Variants in PLD5 observed in about 807,000 individuals in gnomAD.
PLD5 encodes the protein inactive phospholipase D5.
Under a neutral mutation model 61.1 loss-of-function variants are expected in PLD5, and 36 were observed. The ratio of observed to expected loss-of-function variants is 0.59; its 90% CI spans 0.45 to 0.78. The LOEUF (loss-of-function observed/expected upper bound fraction) is 0.78, where lower values mean the gene tolerates loss of function less well. Ranked by LOEUF, PLD5 falls within the 30% of genes least tolerant of loss-of-function variation. The probability of loss-of-function intolerance (pLI) is 0.00; values close to 1 mark genes in which losing one functional copy is unlikely to be tolerated. For missense variants in PLD5, 515 were observed against 644.4 expected (o/e 0.80, Z 2.17); for synonymous variants, 243 against 242.8 (o/e 1.00, Z -0.01).
intron 1 of PLD5, among the ~76,000 whole-genome samples, chr1:242,429,587 T>C (rs975763597): frequency 2.6e-5 from 4 of 152,172 alleles, no homozygotes; most frequent in African/African-American, 9.7e-5. Flanking sequence ...TGGCTGCAGC[T>C]ATCCATAACA....
intron 5 of PLD5, among the ~76,000 whole-genome samples, chr1:242,163,721 G>A (rs943234206): frequency 6.6e-6 from 1 of 151,948 alleles, no homozygotes; most frequent in African/African-American, 2.4e-5. Context: ...CTACCATTCA[G>A]CAAAGTAAGG....
chr1:242,242,020 C>A (rs1464175786), intron 4 of PLD5, among the ~76,000 whole-genome samples: 1 of 145,202 alleles, frequency 6.9e-6, no homozygotes, highest in African/African-American at 2.6e-5. Flanking sequence ...TAGACACACA[C>A]ACACACACAC....
chr1:242,382,144 A>AAAAAAAAAAAAAC (rs1411508490), intron 1 of PLD5, among the ~76,000 whole-genome samples: 19 of 151,300 alleles, frequency 1.3e-4, no homozygotes, highest in African/African-American at 4.6e-4. Context: ...AAAAAACAAA[A>AAAAAAAAAAAAAC]CAAAAAACTG....
At chr1:242,236,623 G>T (rs1241133898) in intron 4 of PLD5, among the ~76,000 whole-genome samples, 9 of 152,074 alleles carry the variant, frequency 5.9e-5, no homozygotes, top group African/African-American at 2.2e-4. Flanking sequence ...TTAAAGGGAG[G>T]TTTGCACCAT....
chr1:242,235,535 G>C (rs572238023), intron 4 of PLD5: 1 of 152,358 alleles, frequency 6.6e-6, no homozygotes, highest in South Asian at 2.1e-4. Flanking sequence ...GGAAGGGAAT[G>C]GTAAGAAGAA....
rs1659374843 is a variant in PLD5, at chr1:242,084,682, G to A, written c.*5172C>T. On this transcript the variant is annotated 3_prime_UTR_variant, in exon 10 of 10. Coordinates refer to ENST00000536534, the MANE Select transcript of PLD5 (RefSeq NM_001372062.1). ...TGAGCAGACACTAGGTTCTCTAGTG[G>A]GGTCTCTATGATTGTTTCTTTTTCT... is the stretch of plus-strand genomic sequence containing the variant. The A allele has an allele frequency of 3.3e-5, 5 of 151,604 alleles. No individual in the cohort carries two copies. In the South Asian group the frequency reaches 1.0e-3, roughly 32 times the overall value. The allele number at this position is 151,604 out of a possible 1,614,324, so 9.4% of individuals were successfully genotyped here. A position where few individuals can be genotyped will look rare whatever the true frequency, so the allele number is the denominator to read the frequency against.
chr1:242,340,157 C>T (rs1436865980), intron 2 of PLD5, among the ~76,000 whole-genome samples: 3 of 152,172 alleles, frequency 2.0e-5, no homozygotes, highest in Non-Finnish European at 2.9e-5. Flanking sequence ...TACTTTTCAT[C>T]GCTATTTTTC....
At chr1:242,111,695 A>G (rs1438298428) in intron 7 of PLD5, among the ~76,000 whole-genome samples, 1 of 152,218 alleles carries the variant, frequency 6.6e-6, no homozygotes. Context: ...CTGAATTTAT[A>G]CAAGTAATTA....
chr1:242,088,812 C>T lies in PLD5; in HGVS notation c.*1042G>A, dbSNP rs572652971. 1 of 152,486 alleles carries T rather than the reference C, an allele frequency of 6.6e-6. No homozygotes were observed. Among genetic ancestry groups the T allele is most frequent in the East Asian group, 1.9e-4 (1 of 5,194 alleles). 9.4% of individuals were successfully genotyped at this position (152,486 alleles called of 1,614,324 possible). On this transcript the variant is annotated 3_prime_UTR_variant, in exon 10 of 10. Transcript: ENST00000536534. ...AGCACAGTATTTAAATTGCATTTCT[C>T]TGAAAAGCATTTGGTATATTAAATA...
chr1:242,175,551 C>T (rs1165380675), intron 5 of PLD5, among the ~76,000 whole-genome samples: 1 of 152,188 alleles, frequency 6.6e-6, no homozygotes, highest in Non-Finnish European at 1.5e-5. Flanking sequence ...GACAAGGATG[C>T]CTTCTCTCAC....
Position 242,174,378 on chromosome 1 carries a change from T to A in PLD5, c.735+45610A>T, listed in dbSNP as rs1574452356. The stretch of plus-strand genomic sequence containing the variant: ...CACCTCACACCAGTTAGAATGGCGA[T>A]CATTAAAAAGTCAGGAAACAACAGG... On this transcript the variant is annotated intron_variant, in intron 5 of 9. Coordinates refer to ENST00000536534, the MANE Select transcript of PLD5 (RefSeq NM_001372062.1). 2.0e-5 allele frequency among the ~76,000 whole-genome samples: 3 copies of A among 152,252 alleles called. No individual in the cohort carries two copies. The East Asian group carries it at 5.8e-4, about 29-fold the overall frequency.
At chr1:242,264,978 T>C (rs1673578655) in intron 4 of PLD5, among the ~76,000 whole-genome samples, 1 of 152,124 alleles carries the variant, frequency 6.6e-6, no homozygotes, top group Non-Finnish European at 1.5e-5. Context: ...GGATTTTCAT[T>C]TGGCAGGCAA....
intron 4 of PLD5, among the ~76,000 whole-genome samples, chr1:242,248,846 G>A (rs1672538675): frequency 6.6e-6 from 1 of 152,098 alleles, no homozygotes; most frequent in Non-Finnish European, 1.5e-5. Context: ...CCAAAATTCA[G>A]GTGTTAAAAC....
intron 4 of PLD5, among the ~76,000 whole-genome samples, chr1:242,230,986 T>G (rs1161159513): frequency 6.6e-6 from 1 of 152,160 alleles, no homozygotes; most frequent in Admixed American, 6.5e-5. Flanking sequence ...ATAGGAATGT[T>G]TGCTTTCAGA....
chr1:242,472,488 T>A (rs922341101), intron 1 of PLD5, among the ~76,000 whole-genome samples: 4 of 152,228 alleles, frequency 2.6e-5, no homozygotes, highest in African/African-American at 9.6e-5. Flanking sequence ...GGGCAAGGAC[T>A]GCTTACATAT....
chr1:242,199,679 C>T (rs1379305530), intron 5 of PLD5, among the ~76,000 whole-genome samples: 1 of 152,170 alleles, frequency 6.6e-6, no homozygotes, highest in Non-Finnish European at 1.5e-5. Flanking sequence ...CCTCCCACCC[C>T]TCGAAGTCCC....
intron 5 of PLD5, among the ~76,000 whole-genome samples, chr1:242,171,105 A>C (rs1666717484): frequency 6.6e-6 from 1 of 152,212 alleles, no homozygotes; most frequent in African/African-American, 2.4e-5. Context: ...AACAGGGTTG[A>C]AATGAGGGAA....
rs1229432363 is a variant in PLD5 at position 242,086,207 on chromosome 1, CAG to C, written c.*3645_*3646del. ...TTCAGACATGAGACAAACAGTAGCA[CAG>C]AGAGGGCCCGAATGGTGCCCAGAGT... On this transcript the variant is annotated 3_prime_UTR_variant, in exon 10 of 10. Coordinates refer to ENST00000536534, the MANE Select transcript of PLD5 (RefSeq NM_001372062.1). 33 of 152,330 alleles carry C rather than the reference CAG, an allele frequency of 2.2e-4. No individual in the cohort carries two copies. The highest frequency in any genetic ancestry group is 7.7e-4 in the African/African-American group (32 of 41,580). The allele number at this position is 152,330 out of a possible 1,614,324, so 9.4% of individuals were successfully genotyped here. A position where few individuals can be genotyped will look rare whatever the true frequency, so the allele number is the denominator to read the frequency against.
At chr1:242,442,948 T>A (rs58775050) in intron 1 of PLD5, among the ~76,000 whole-genome samples, 1,534 of 152,266 alleles carry the variant, frequency 0.01, 31 homozygotes, top group African/African-American at 0.035. Context: ...CTGCAAGGAA[T>A]CTCCATGCCG....
Sources: gnomAD v4.1 joint callset for allele counts (sites outside exome capture counted in the v4.1 genomes callset) on GRCh38, gnomAD v4.1.1 for gene constraint, MANE v1.5 for transcripts, NCBI Gene and HGNC (gene_info 2026-07-23, HGNC 2026-07-21) for gene names.